Variants in PPIG observed in about 807,000 individuals in gnomAD.
PPIG encodes the protein peptidyl-prolyl cis-trans isomerase G.
Under a neutral mutation model 87.9 loss-of-function variants are expected in PPIG, and 26 were observed. The observed-to-expected ratio is 0.30, with a 90% CI of 0.22 to 0.41. PPIG has a LOEUF of 0.41. PPIG is among the 10% of genes least tolerant of loss of function. The pLI is 1.00. For missense variants in PPIG, 722 were observed against 879.4 expected (o/e 0.82, Z 2.26); for synonymous variants, 308 against 276.5 (o/e 1.11, Z -1.13).
Position 169,604,278 on chromosome 2 carries a change from A to T in PPIG, c.136+17A>T. ...TTTGTACAGGTTTGTTCACATTTTC[A>T]ACTGCCCTAATAGTAGTCTCAGTTG... On this transcript the variant is annotated intron_variant, in intron 4 of 13. Coordinates refer to ENST00000260970, the MANE Select transcript of PPIG (RefSeq NM_004792.3). 1 of 1,588,166 alleles carries T rather than the reference A, an allele frequency of 6.3e-7. No homozygotes were observed. The highest frequency in any genetic ancestry group is 1.1e-5 in the South Asian group (1 of 90,426).
intron 9 of PPIG, among the ~76,000 whole-genome samples, chr2:169,617,451 C>T (rs1270607556): frequency 6.6e-6 from 1 of 152,114 alleles, no homozygotes; most frequent in African/African-American, 2.4e-5. Flanking sequence ...TTACTTTGGG[C>T]AGTATGGCCA....
At chr2:169,624,048 C>T (rs948236638) in intron 9 of PPIG, among the ~76,000 whole-genome samples, 7 of 151,920 alleles carry the variant, frequency 4.6e-5, no homozygotes, top group African/African-American at 1.7e-4. Flanking sequence ...TTCACTGCAA[C>T]CTCGAACTCC....
At chr2:169,595,598 CT>C (rs1684995052) in intron 1 of PPIG, among the ~76,000 whole-genome samples, 1 of 152,146 alleles carries the variant, frequency 6.6e-6, no homozygotes, top group South Asian at 2.1e-4. Flanking sequence ...TCTCTACTCT[CT>C]TATCTCCAAG....
chr2:169,629,930 T>G (rs550264005), intron 9 of PPIG, among the ~76,000 whole-genome samples: 2 of 152,308 alleles, frequency 1.3e-5, no homozygotes, highest in East Asian at 3.9e-4. Flanking sequence ...TAATATAATC[T>G]GATATATCTC....
chr2:169,632,013 AT>A lies in PPIG; in HGVS notation c.929+83del, dbSNP rs1487370074. The A allele has an allele frequency of 8.2e-6, 11 of 1,335,604 alleles. No homozygotes were observed. In the African/African-American group the frequency reaches 1.7e-4, roughly 20 times the overall value. 82.7% of individuals were successfully genotyped at this position (1,335,604 alleles called of 1,614,324 possible). On this transcript the variant is annotated intron_variant, in intron 11 of 13. Transcript: ENST00000260970. Reference sequence around the variant, plus strand: ...TAAAAAGTTATTTATTTTAAACAAGATTTAATTGGTGACCTTGTCCCAAGAT... The same window carrying A: ...TAAAAAGTTATTTATTTTAAACAAGATTAATTGGTGACCTTGTCCCAAGAT...
intron 9 of PPIG, among the ~76,000 whole-genome samples, chr2:169,629,462 A>G (rs1418779761): frequency 2.0e-5 from 3 of 152,220 alleles, no homozygotes; most frequent in African/African-American, 7.2e-5. Context: ...AAGTTCAGAC[A>G]TTGAAATTGG....
intron 7 of PPIG, among the ~76,000 whole-genome samples, chr2:169,610,788 C>T (rs567846375): frequency 6.6e-6 from 1 of 152,306 alleles, no homozygotes; most frequent in South Asian, 2.1e-4. Context: ...TAAAATACTC[C>T]ATAACAGTTT....
At position 169,592,771 on chromosome 2, in the gene PPIG, A is replaced by G. The variant is rs57445903; in HGVS notation, c.-70+8281A>G. Among the ~76,000 whole-genome samples, 1,420 of 152,240 alleles carry G rather than the reference A, an allele frequency of 9.3e-3. 28 individuals carry two copies. Among genetic ancestry groups the G allele is most frequent in the African/African-American group, 0.032 (1,320 of 41,538 alleles). On this transcript the variant is annotated intron_variant, in intron 1 of 13. Transcript: ENST00000260970. ...TTTAATAATCGAGGAAATCATAATT[A>G]TAGAGGAAATAGGATATACTGTTTC...
At chr2:169,608,543 A>G (rs1478294571) in intron 6 of PPIG, 128 bp from the exon 7 acceptor site, 21 of 529,382 alleles carry the variant, frequency 4.0e-5, no homozygotes, top group Non-Finnish European at 7.2e-5. Context: ...TTCTTTCATA[A>G]CCTAACTTTA....
intron 7 of PPIG, among the ~76,000 whole-genome samples, chr2:169,614,035 C>CT (rs1359209175): frequency 5.3e-5 from 8 of 152,238 alleles, no homozygotes; most frequent in Non-Finnish European, 1.2e-4. Flanking sequence ...CCGTGCTTAA[C>CT]TGTTTAAAAT....
intron 12 of PPIG, among the ~76,000 whole-genome samples, chr2:169,634,684 C>G (rs986016931): frequency 1.3e-5 from 2 of 152,196 alleles, no homozygotes. Flanking sequence ...ATGCAAGTAA[C>G]TTAACTATGG....
intron 12 of PPIG, among the ~76,000 whole-genome samples, chr2:169,635,215 T>A (rs1686150528): frequency 6.6e-6 from 1 of 152,208 alleles, no homozygotes; most frequent in South Asian, 2.1e-4. Flanking sequence ...AGTCTGATTT[T>A]TGTGCCACTC....
intron 1 of PPIG, among the ~76,000 whole-genome samples, chr2:169,591,585 A>G (rs952226463): frequency 6.6e-6 from 1 of 152,168 alleles, no homozygotes; most frequent in East Asian, 1.9e-4. Context: ...AAAAAAGTAG[A>G]TTCAGTATAT....
At chr2:169,612,147 G>A (rs931170001) in intron 7 of PPIG, among the ~76,000 whole-genome samples, 3 of 151,896 alleles carry the variant, frequency 2.0e-5, no homozygotes, top group Non-Finnish European at 4.4e-5. Flanking sequence ...AGTGAGTCAT[G>A]TGTATTCACA....
intron 1 of PPIG, among the ~76,000 whole-genome samples, chr2:169,585,946 G>A (rs989433992): frequency 6.6e-6 from 1 of 151,958 alleles, no homozygotes; most frequent in Non-Finnish European, 1.5e-5. Context: ...TGACGGGTGG[G>A]GGGGTGAACA....
In PPIG at chr2:169,640,668, A is replaced by G. The variant is rs1023876580; in HGVS notation, c.*3145A>G. 4 of 152,184 alleles carry G rather than the reference A, an allele frequency of 2.6e-5. No individual in the cohort carries two copies. The highest frequency in any genetic ancestry group is 9.7e-5 in the African/African-American group (4 of 41,440). The allele number at this position is 152,184 out of a possible 1,614,324, so 9.4% of individuals were successfully genotyped here. ...TTCATTTTGGATTTATACATTTACAATTGAATAAGGATTATAGGTTGATAA... is the reference window on the plus strand; with the variant it reads ...TTCATTTTGGATTTATACATTTACAGTTGAATAAGGATTATAGGTTGATAA... On this transcript the variant is annotated 3_prime_UTR_variant, in exon 14 of 14. Transcript: ENST00000260970.
intron 9 of PPIG, among the ~76,000 whole-genome samples, chr2:169,624,879 C>G (rs537701504): frequency 1.3e-5 from 2 of 152,264 alleles, no homozygotes; most frequent in East Asian, 3.9e-4. Flanking sequence ...CATGAGCCAC[C>G]GCGCCCAGCC....
intron 6 of PPIG, among the ~76,000 whole-genome samples, chr2:169,607,536 T>G (rs927417928): frequency 4.6e-5 from 7 of 152,212 alleles, no homozygotes; most frequent in African/African-American, 1.7e-4. Context: ...AAAATTTGAC[T>G]ATAATATTTT....
At position 169,639,074 on chromosome 2, in the gene PPIG, G is replaced by A. The variant is rs893728654; in HGVS notation, c.*1551G>A. 3 of 151,976 alleles carry A rather than the reference G, an allele frequency of 2.0e-5. No individual in the cohort carries two copies. The highest frequency in any genetic ancestry group is 6.6e-5 in the Admixed American group (1 of 15,242). The allele number at this position is 151,976 out of a possible 1,614,324, so 9.4% of individuals were successfully genotyped here. On this transcript the variant is annotated 3_prime_UTR_variant, in exon 14 of 14. Transcript: ENST00000260970. ...TTAATGCAATATTGATATATTTGGC[G>A]TTGTGGTAGCTGTTGCAGAATGAAT...
Sources: gnomAD v4.1 joint callset for allele counts (sites outside exome capture counted in the v4.1 genomes callset) on GRCh38, gnomAD v4.1.1 for gene constraint, MANE v1.5 for transcripts, NCBI Gene and HGNC (gene_info 2026-07-23, HGNC 2026-07-21) for gene names.